The following EGF variants were observed in gnomAD, a reference collection of about 807,000 sequenced individuals.
EGF encodes the protein epidermal growth factor, also known as pro-epidermal growth factor.
EGF carries 95 observed loss-of-function variants against 143.8 expected under a neutral mutation model. The observed-to-expected ratio is 0.66, with a 90% CI of 0.56 to 0.78. The LOEUF (loss-of-function observed/expected upper bound fraction) is 0.78. EGF is among the 30% of genes least tolerant of loss of function. The pLI is 0.00. For synonymous variants in EGF, 510 were observed against 510.5 expected (o/e 1.00, Z 0.01); for missense variants, 1,320 against 1,470.9 (o/e 0.90, Z 1.68).
chr4:109,931,502 A>T (rs1040382503), intron 1 of EGF, among the ~76,000 whole-genome samples: 1 of 152,150 alleles, frequency 6.6e-6, no homozygotes, highest in Non-Finnish European at 1.5e-5. Flanking sequence ...TTGCGAGTGC[A>T]CTAGATTGCG....
Position 110,013,214 on chromosome 4 carries a change from T to G in EGF, c.*1759T>G, listed in dbSNP as rs142609628. 1.5e-4 allele frequency among the ~76,000 whole-genome samples: 23 copies of G among 152,322 alleles called. No individual in the cohort carries two copies. The highest frequency in any genetic ancestry group is 5.5e-4 in the African/African-American group (23 of 41,580). ...CCCCAAGGTTTTCTTTACCTAAGTG[T>G]GAATATTTTTTCTTCCTCCAAAAGC... On this transcript the variant is annotated 3_prime_UTR_variant, in exon 24 of 24. Coordinates refer to ENST00000265171, the MANE Select transcript of EGF (RefSeq NM_001963.6).
In EGF at chr4:110,011,933, A is replaced by G. The variant is rs1351286184; in HGVS notation, c.*478A>G. The G allele has an allele frequency of 6.1e-6, 1 of 163,318 alleles. No individual in the cohort carries two copies. The highest frequency in any genetic ancestry group is 2.4e-5 in the African/African-American group (1 of 41,616). 10.1% of individuals were successfully genotyped at this position (163,318 alleles called of 1,614,324 possible). On this transcript the variant is annotated 3_prime_UTR_variant, in exon 24 of 24. Transcript: ENST00000265171. ...ATACAGTGTAGGCATTTAACTCCTC[A>G]TTGGCGTGGTCCATGCTGATGATTT...
chr4:110,001,951 A>G (rs988878180), intron 21 of EGF: 2 of 985,322 alleles, frequency 2.0e-6, no homozygotes, highest in African/African-American at 1.7e-5. Flanking sequence ...AGTTTCAGCT[A>G]TGTGCATAAC....
chr4:109,979,482 G>T (rs11569010), intron 13 of EGF, among the ~76,000 whole-genome samples: 2 of 151,980 alleles, frequency 1.3e-5, no homozygotes, highest in Admixed American at 6.6e-5. Flanking sequence ...GGTGGAGATG[G>T]GAATGTGGGG....
chr4:109,951,146 A>AAAAATAAAATAAAAT (rs59869160), intron 5 of EGF, among the ~76,000 whole-genome samples: 2,617 of 132,960 alleles, frequency 0.02, 79 homozygotes, highest in African/African-American at 0.061. Flanking sequence ...GTCTCTACTA[A>AAAAATAAAATAAAAT]AAAATAAAAT....
In EGF at chr4:109,993,350, A is replaced by G; in HGVS notation, c.2838A>G (p.Glu946=). 1 of 1,613,538 alleles carries G rather than the reference A, an allele frequency of 6.2e-7. No homozygotes were observed. The highest frequency in any genetic ancestry group is 8.5e-7 in the Non-Finnish European group (1 of 1,179,806). The change falls in exon 19 of 24, where the codon GAA becomes GAG. Residue 946 remains glutamate (E), a synonymous_variant. Coordinates refer to ENST00000265171, the MANE Select transcript of EGF (RefSeq NM_001963.6). ...YTCMCAGRLS[E]PGLICPDSTP... is the part of the protein sequence containing the mutation. ...GCATGTGTGCTGGACGCCTGTCTGA[A>G]CCAGGACTGATTTGCCCTGGTAGGT...
intron 4 of EGF, among the ~76,000 whole-genome samples, chr4:109,944,399 A>C (rs1039522229): frequency 1.3e-5 from 2 of 152,354 alleles, no homozygotes; most frequent in South Asian, 2.1e-4. Context: ...ATATCGTGCC[A>C]CTGCACTCCA....
chr4:109,943,929 A>C lies in EGF; in HGVS notation c.597A>C (p.Ser199=). 1 of 1,614,216 alleles carries C rather than the reference A, an allele frequency of 6.2e-7. No homozygotes were observed. Among genetic ancestry groups the C allele is most frequent in the Non-Finnish European group, 8.5e-7 (1 of 1,180,030 alleles). The stretch of plus-strand genomic sequence containing the variant: ...GAGTGAAGGCTCTGTTGGAGACATC[A>C]GAGAAAATAACAGCTGTGTCATTGG... ...GVGVKALLET[S]EKITAVSLDV... Residue 199 remains serine, a synonymous_variant, in exon 4 of 24, where the codon TCA becomes TCC. Coordinates refer to ENST00000265171, the MANE Select transcript of EGF (RefSeq NM_001963.6).
intron 13 of EGF, among the ~76,000 whole-genome samples, chr4:109,977,973 A>G (rs1330566770): frequency 1.3e-5 from 2 of 152,270 alleles, no homozygotes; most frequent in African/African-American, 4.8e-5. Context: ...AAAGCATAGC[A>G]GATACTTTGT....
chr4:110,004,612 C>G lies in EGF; in HGVS notation c.3281C>G (p.Pro1094Arg). 1 of 1,613,864 alleles carries G rather than the reference C, an allele frequency of 6.2e-7. No individual in the cohort carries two copies. The highest frequency in any genetic ancestry group is 8.5e-7 in the Non-Finnish European group (1 of 1,179,816). The change falls in exon 22 of 24, where the codon CCT becomes CGT. Residue 1094 changes from proline to arginine, a missense_variant. By Grantham distance (103) the Pro-to-Arg change is moderately radical (BLOSUM62 -2). This residue lies in a region of EGF where 1,186 missense variants were observed against 1,313.7 expected (regional missense o/e 0.90). Transcript: ENST00000265171. ...ADTEDGMSSC[P>R]QPWFVVIKEH... ...ACTGAGGATGGGATGTCCTCTTGCCCTCAACCTTGGGTAATGTGACCAAAG... is the reference window on the plus strand; with the variant it reads ...ACTGAGGATGGGATGTCCTCTTGCCGTCAACCTTGGGTAATGTGACCAAAG...
At position 109,983,454 on chromosome 4, in the gene EGF, C is replaced by A. The variant is rs1749683746; in HGVS notation, c.2404C>A (p.Pro802Thr). ...GEVDLKNQVT[P>T]LDILSKTRVS... ...AGTTGATCTAAAGAACCAAGTAACA[C>A]CATTGGACATCTTGTCCAAGACTAG... The change falls in exon 16 of 24, where the codon CCA becomes ACA. Residue 802 changes from proline to threonine, a missense_variant. Coordinates refer to ENST00000265171, the MANE Select transcript of EGF (RefSeq NM_001963.6). 6.2e-7 allele frequency: 1 copy of A among 1,613,514 alleles called. No homozygotes were observed. Among genetic ancestry groups the A allele is most frequent in the South Asian group, 1.1e-5 (1 of 91,068 alleles).
intron 10 of EGF, among the ~76,000 whole-genome samples, chr4:109,966,641 A>G (rs1746647519): frequency 6.6e-6 from 1 of 152,030 alleles, no homozygotes; most frequent in African/African-American, 2.4e-5. Flanking sequence ...AGGATTGCAA[A>G]TTTACATTCC....
chr4:110,007,953 T>A (rs1403424806), intron 22 of EGF, among the ~76,000 whole-genome samples, 199 bp from the exon 23 acceptor site: 5 of 152,314 alleles, frequency 3.3e-5, no homozygotes, highest in African/African-American at 1.2e-4. Flanking sequence ...CTAGTTGCTT[T>A]AAGACAAAGT....
intron 1 of EGF, among the ~76,000 whole-genome samples, chr4:109,915,199 G>A (rs1736412695): frequency 6.6e-6 from 1 of 152,148 alleles, no homozygotes; most frequent in South Asian, 2.1e-4. Flanking sequence ...AGAGTGGAAG[G>A]AACCACAGGT....
rs1401406569 is a variant in EGF at position 109,940,680 on chromosome 4, A to G, written c.128-266A>G. 3 of 411,468 alleles carry G rather than the reference A, an allele frequency of 7.3e-6. No homozygotes were observed. The East Asian group carries it at 1.3e-4, about 18-fold the overall frequency. The allele number at this position is 411,468 out of a possible 1,614,324, so 25.5% of individuals were successfully genotyped here. A position where few individuals can be genotyped will look rare whatever the true frequency, so the allele number is the denominator to read the frequency against. On this transcript the variant is annotated intron_variant, in intron 1 of 23. Coordinates refer to ENST00000265171, the MANE Select transcript of EGF (RefSeq NM_001963.6). Reference sequence around the variant, plus strand: ...AAAAGGTATTTTATGGATAAAGAGTAAAAAGTGTCTTTCTCTTCAGAGAGT... The same window carrying G: ...AAAAGGTATTTTATGGATAAAGAGTGAAAAGTGTCTTTCTCTTCAGAGAGT...
At chr4:109,938,373 TA>T (rs1741249550) in intron 1 of EGF, among the ~76,000 whole-genome samples, 1 of 152,242 alleles carries the variant, frequency 6.6e-6, no homozygotes, top group African/African-American at 2.4e-5. Context: ...TCAGGTCATT[TA>T]AGCTCTTCTC....
intron 11 of EGF, among the ~76,000 whole-genome samples, chr4:109,973,168 G>T (rs1175599254): frequency 2.0e-5 from 3 of 152,074 alleles, no homozygotes; most frequent in Admixed American, 2.0e-4. Flanking sequence ...CTCCTGAAGG[G>T]GGCAGGGATG....
rs765143879 is a variant in EGF at position 109,943,269 on chromosome 4, G to C, written c.343G>C (p.Glu115Gln). 2.5e-6 allele frequency: 4 copies of C among 1,605,430 alleles called. No individual in the cohort carries two copies. The highest frequency in any genetic ancestry group is 3.4e-6 in the Non-Finnish European group (4 of 1,175,904). Residue 115 changes from glutamate (E) to glutamine (Q), a missense_variant, in exon 3 of 24, where the codon GAG (glutamate) becomes CAG (glutamine). Glu to Gln is a conservative substitution (Grantham distance 29). Transcript: ENST00000265171. ...GSRQERVCNI[E>Q]KNVSGMAINW... is the part of the protein sequence containing the mutation. ...GATTTTGCAGAGAGTATGTAATATA[G>C]AGAAAAATGTTTCTGGAATGGCAAT...
At chr4:109,917,806 G>T (rs953542725) in intron 1 of EGF, among the ~76,000 whole-genome samples, 6 of 151,992 alleles carry the variant, frequency 3.9e-5, no homozygotes, top group Non-Finnish European at 8.8e-5. Context: ...TTTTAGTAGA[G>T]ATGGGGTTTC....
Sources: gnomAD v4.1 joint callset for allele counts (sites outside exome capture counted in the v4.1 genomes callset) on GRCh38, gnomAD v4.1.1 for gene constraint, gnomAD v4.1.1 regional missense constraint, MANE v1.5 for transcripts, NCBI Gene and HGNC (gene_info 2026-07-23, HGNC 2026-07-21) for gene names.